Variants in CAMTA1 observed in about 807,000 individuals in gnomAD.
CAMTA1 encodes the protein calmodulin binding transcription activator 1, also known as calmodulin-binding transcription activator 1.
In CAMTA1, 27 loss-of-function variants were observed where a neutral mutation model predicts 170.9. That is an observed-to-expected ratio of 0.16 (90% CI 0.12 to 0.22). The LOEUF (loss-of-function observed/expected upper bound fraction) is 0.22. CAMTA1 is among the 10% of genes least tolerant of loss of function. The pLI is 1.00. For missense variants in CAMTA1, 1,619 were observed against 2,217.2 expected, an observed-to-expected ratio of 0.73 and a Z score of 5.42; for synonymous variants, 833 against 891.5, an observed-to-expected ratio of 0.93 and a Z score of 1.17.
intron 6 of CAMTA1, among the ~76,000 whole-genome samples, chr1:7,583,004 C>T (rs1357658161): frequency 6.6e-6 from 1 of 152,108 alleles, no homozygotes; most frequent in African/African-American, 2.4e-5. Context: ...CAAGTGTGGT[C>T]TCCTTGGCCT....
chr1:7,098,133 G>GCA (rs1642301727), intron 4 of CAMTA1, among the ~76,000 whole-genome samples: 3 of 152,138 alleles, frequency 2.0e-5, no homozygotes, highest in African/African-American at 7.2e-5. Flanking sequence ...ACGTGCGCGT[G>GCA]CGTGCGCATG....
intron 5 of CAMTA1, among the ~76,000 whole-genome samples, chr1:7,252,440 A>T (rs1052153631): frequency 6.6e-6 from 1 of 152,218 alleles, no homozygotes; most frequent in Non-Finnish European, 1.5e-5. Context: ...ATCAACCCCC[A>T]CATCTCACCA....
chr1:6,916,000 G>A (rs948271201), intron 3 of CAMTA1, among the ~76,000 whole-genome samples: 2 of 152,178 alleles, frequency 1.3e-5, no homozygotes, highest in African/African-American at 4.8e-5. Flanking sequence ...GGCACTTGGA[G>A]TGGGTGGTGG....
rs368898718 is a variant in CAMTA1 at position 7,218,973 on chromosome 1, C to T, written c.303-30518C>T. Among the ~76,000 whole-genome samples, 19 of 152,238 alleles carry T rather than the reference C, an allele frequency of 1.2e-4. No individual in the cohort carries two copies. The South Asian group carries it at 2.3e-3, about 18-fold the overall frequency. ...ACCTTGGCGACCTGGAAGTCCCTTA[C>T]GTGGCATTTTAGGAGACGTGTGCAG... is the stretch of plus-strand genomic sequence containing the variant. On this transcript the variant is annotated intron_variant, in intron 4 of 22. Transcript: ENST00000303635.
At chr1:7,583,798 G>A (rs757708748) in intron 6 of CAMTA1, among the ~76,000 whole-genome samples, 1 of 152,132 alleles carries the variant, frequency 6.6e-6, no homozygotes, top group Non-Finnish European at 1.5e-5. Context: ...AACTCCACAC[G>A]GTGAGTGGGT....
At chr1:7,510,144 A>G (rs1201637064) in intron 6 of CAMTA1, among the ~76,000 whole-genome samples, 1 of 134,070 alleles carries the variant, frequency 7.5e-6, no homozygotes, top group African/African-American at 2.6e-5. Flanking sequence ...GTACGACGGC[A>G]CTCGAGATAA....
At chr1:7,121,612 G>C (rs1192963770) in intron 4 of CAMTA1, among the ~76,000 whole-genome samples, 1 of 152,212 alleles carries the variant, frequency 6.6e-6, no homozygotes, top group Non-Finnish European at 1.5e-5. Flanking sequence ...GATGGGCTAT[G>C]GGGAGGTCAG....
At chr1:7,116,164 C>T (rs1209102695) in intron 4 of CAMTA1, among the ~76,000 whole-genome samples, 1 of 152,196 alleles carries the variant, frequency 6.6e-6, no homozygotes, top group East Asian at 1.9e-4. Context: ...GCCTTCTACC[C>T]CATGCCTTCA....
chr1:7,334,234 GA>G (rs376946881), intron 5 of CAMTA1, among the ~76,000 whole-genome samples: 3 of 152,236 alleles, frequency 2.0e-5, no homozygotes, highest in African/African-American at 4.8e-5. Flanking sequence ...AAGAAAGGGG[GA>G]AAAAAATCAC....
At chr1:7,436,780 G>T (rs1226130414) in intron 5 of CAMTA1, among the ~76,000 whole-genome samples, 3 of 152,188 alleles carry the variant, frequency 2.0e-5, no homozygotes, top group Admixed American at 6.5e-5. Context: ...CCTGGGAACG[G>T]CAGTGGGGCT....
chr1:7,737,079 A>G, intron 14 of CAMTA1, 70 bp downstream of exon 14: 1 of 1,403,132 alleles, frequency 7.1e-7, no homozygotes, highest in Admixed American at 1.7e-5. Context: ...CCTGGTTCCC[A>G]CCGTTGTCTC....
At chr1:7,518,104 A>AT (rs2094311245) in intron 6 of CAMTA1, among the ~76,000 whole-genome samples, 1 of 152,020 alleles carries the variant, frequency 6.6e-6, no homozygotes, top group African/African-American at 2.4e-5. Context: ...TGAGAAGTGG[A>AT]TGGGACCGTG....
intron 4 of CAMTA1, among the ~76,000 whole-genome samples, chr1:7,217,518 A>C (rs958657811): frequency 5.3e-5 from 8 of 152,116 alleles, no homozygotes; most frequent in African/African-American, 1.2e-4. Flanking sequence ...ACTTTTATTT[A>C]TATGTCCAAT....
chr1:7,683,411 G>A (rs2096230001), intron 11 of CAMTA1, among the ~76,000 whole-genome samples: 1 of 152,064 alleles, frequency 6.6e-6, no homozygotes, highest in Non-Finnish European at 1.5e-5. Flanking sequence ...ACTTCAAAGA[G>A]CTACTTTGAA....
At chr1:6,899,154 G>C (rs1432720704) in intron 3 of CAMTA1, among the ~76,000 whole-genome samples, 1 of 152,180 alleles carries the variant, frequency 6.6e-6, no homozygotes, top group Non-Finnish European at 1.5e-5. Flanking sequence ...ATGCACTGTG[G>C]ATGATAAATA....
At chr1:7,710,479 A>G (rs1173835931) in intron 11 of CAMTA1, among the ~76,000 whole-genome samples, 1 of 151,898 alleles carries the variant, frequency 6.6e-6, no homozygotes, top group African/African-American at 2.4e-5. Flanking sequence ...ACACACCTAT[A>G]GTCCCAGCTA....
chr1:7,270,291 A>AT (rs34768255), intron 5 of CAMTA1, among the ~76,000 whole-genome samples: 1,590 of 110,498 alleles, frequency 0.014, 21 homozygotes, highest in East Asian at 0.039. Context: ...ATATATATAT[A>AT]TTTTTTTTTT....
At chr1:7,644,810 C>T (rs2095792033) in intron 7 of CAMTA1, among the ~76,000 whole-genome samples, 1 of 151,342 alleles carries the variant, frequency 6.6e-6, no homozygotes, top group South Asian at 2.2e-4. Context: ...TCCATCCTAA[C>T]GTACTTTGGG....
intron 5 of CAMTA1, among the ~76,000 whole-genome samples, chr1:7,420,665 C>G (rs1043996205): frequency 2.0e-5 from 3 of 152,184 alleles, no homozygotes; most frequent in Non-Finnish European, 4.4e-5. Flanking sequence ...TCCTGGAAAT[C>G]CATGCGTATA....
Sources: gnomAD v4.1 joint callset for allele counts (sites outside exome capture counted in the v4.1 genomes callset) on GRCh38, gnomAD v4.1.1 for gene constraint, MANE v1.5 for transcripts, NCBI Gene and HGNC (gene_info 2026-07-23, HGNC 2026-07-21) for gene names.